CTNNA3: variants seen among roughly 807,000 people sequenced by gnomAD.
CTNNA3 encodes the protein catenin alpha-3.
CTNNA3 carries 76 observed loss-of-function variants against 95.7 expected under a neutral mutation model. The observed-to-expected ratio is 0.79, with a 90% CI of 0.66 to 0.96. CTNNA3 has a LOEUF of 0.96. Among genes scored for constraint, CTNNA3 ranks in the 40% least tolerant of loss-of-function variants. CTNNA3 has a pLI of 0.00. For missense variants in CTNNA3, 1,191 were observed against 1,089.8 expected (o/e 1.09, Z -1.31); for synonymous variants, 431 against 374.4 (o/e 1.15, Z -1.74).
intron 5 of CTNNA3, among the ~76,000 whole-genome samples, chr10:67,439,638 G>T (rs1846426166): frequency 6.6e-6 from 1 of 152,062 alleles, no homozygotes; most frequent in Non-Finnish European, 1.5e-5. Context: ...AATTAAACAT[G>T]ACATTTAAAT....
At chr10:66,589,490 A>G (rs1310032611) in intron 10 of CTNNA3, among the ~76,000 whole-genome samples, 1 of 152,110 alleles carries the variant, frequency 6.6e-6, no homozygotes, top group African/African-American at 2.4e-5. Context: ...TCTCTTTACT[A>G]TAAACACCCA....
chr10:67,202,863 G>A (rs1041030942), intron 6 of CTNNA3, among the ~76,000 whole-genome samples: 2 of 151,826 alleles, frequency 1.3e-5, no homozygotes, highest in Non-Finnish European at 2.9e-5. Flanking sequence ...GGGAACTCTG[G>A]ACATATCTGC....
chr10:66,635,715 C>T (rs12246389), intron 9 of CTNNA3, among the ~76,000 whole-genome samples: 3,612 of 152,178 alleles, frequency 0.024, 159 homozygotes, highest in African/African-American at 0.083. Context: ...TAACTAATCA[C>T]GAAATACACA....
chr10:67,676,544 T>C (rs879686164), intron 1 of CTNNA3, among the ~76,000 whole-genome samples: 2 of 152,166 alleles, frequency 1.3e-5, no homozygotes, highest in Admixed American at 1.3e-4. Flanking sequence ...GTCTCTCAAA[T>C]TGTTCAAAAA....
chr10:66,653,084 T>C (rs759045715), intron 9 of CTNNA3, among the ~76,000 whole-genome samples: 1 of 152,174 alleles, frequency 6.6e-6, no homozygotes, highest in Non-Finnish European at 1.5e-5. Context: ...TCTTTTCGGT[T>C]CTGTCTAACT....
intron 13 of CTNNA3, among the ~76,000 whole-genome samples, chr10:66,228,117 C>T (rs2089410059): frequency 6.6e-6 from 1 of 152,008 alleles, no homozygotes; most frequent in Admixed American, 6.6e-5. Context: ...AAAACACTAT[C>T]ATTATATTGT....
chr10:66,599,507 C>T (rs923304816), intron 10 of CTNNA3, among the ~76,000 whole-genome samples: 2 of 151,990 alleles, frequency 1.3e-5, no homozygotes, highest in African/African-American at 4.8e-5. Context: ...TATCCCAGAA[C>T]TCCTATACTT....
intron 13 of CTNNA3, among the ~76,000 whole-genome samples, chr10:66,229,245 A>G (rs965630448): frequency 6.6e-6 from 1 of 152,118 alleles, no homozygotes; most frequent in Non-Finnish European, 1.5e-5. Flanking sequence ...ACATTGCAGT[A>G]TGGAGGTATT....
chr10:67,411,412 A>T (rs1205351351), intron 5 of CTNNA3, among the ~76,000 whole-genome samples: 1 of 152,144 alleles, frequency 6.6e-6, no homozygotes, highest in African/African-American at 2.4e-5. Flanking sequence ...GGATTTGCTT[A>T]TAGGCATTTC....
At chr10:66,877,470 ATGCCTGC>A (rs1564739584) in intron 7 of CTNNA3, among the ~76,000 whole-genome samples, 1 of 152,258 alleles carries the variant, frequency 6.6e-6, no homozygotes, top group East Asian at 1.9e-4. Context: ...TCTTTCACCA[ATGCCTGC>A]TGCCTTTTAT....
intron 7 of CTNNA3, among the ~76,000 whole-genome samples, chr10:66,996,305 A>G (rs1376041663): frequency 1.3e-5 from 2 of 152,206 alleles, no homozygotes; most frequent in African/African-American, 4.8e-5. Flanking sequence ...ACAAAGTAAA[A>G]AGAGCAAGAG....
rs1468393991 is a variant in CTNNA3 at position 65,919,095 on chromosome 10, G to T, written c.*1235C>A. The T allele has an allele frequency of 1.3e-5, 2 of 152,016 alleles. No individual in the cohort carries two copies. The highest frequency in any genetic ancestry group is 2.9e-5 in the Non-Finnish European group (2 of 67,986). 9.4% of individuals were successfully genotyped at this position (152,016 alleles called of 1,614,324 possible). On this transcript the variant is annotated 3_prime_UTR_variant, in exon 18 of 18. Transcript: ENST00000433211. ...GAGAAAAAATGAAAACAAAACTTATGGCCTCCAAAGAGTTTCTGTTAAGGA... is the reference window on the plus strand; with the variant it reads ...GAGAAAAAATGAAAACAAAACTTATTGCCTCCAAAGAGTTTCTGTTAAGGA...
chr10:66,415,536 A>G (rs1368831510), intron 11 of CTNNA3, among the ~76,000 whole-genome samples: 1 of 152,132 alleles, frequency 6.6e-6, no homozygotes, highest in South Asian at 2.1e-4. Context: ...CTGGGCTTTG[A>G]GTAAGCCACC....
chr10:67,645,752 T>C lies in CTNNA3; in HGVS notation c.99+1663A>G, dbSNP rs374987623. ...GAAAAAAATAGAAACACCCTAAATGTCCAAAAATGTGAGGCTACTTTAAAA... is the reference window on the plus strand; with the variant it reads ...GAAAAAAATAGAAACACCCTAAATGCCCAAAAATGTGAGGCTACTTTAAAA... On this transcript the variant is annotated intron_variant, in intron 2 of 17. Coordinates refer to ENST00000433211, the MANE Select transcript of CTNNA3 (RefSeq NM_013266.4). 2.6e-5 allele frequency among the ~76,000 whole-genome samples: 4 copies of C among 151,830 alleles called. No homozygotes were observed. In the East Asian group the frequency reaches 7.7e-4, roughly 29 times the overall value.
intron 11 of CTNNA3, among the ~76,000 whole-genome samples, chr10:66,445,741 C>G (rs1052132453): frequency 6.6e-6 from 1 of 151,568 alleles, no homozygotes; most frequent in Non-Finnish European, 1.5e-5. Context: ...AAAATTGACA[C>G]CCTAACATCA....
intron 11 of CTNNA3, among the ~76,000 whole-genome samples, chr10:66,508,339 G>T (rs1247344944): frequency 2.0e-5 from 3 of 151,618 alleles, no homozygotes; most frequent in Non-Finnish European, 4.4e-5. Context: ...TTTAGAAACG[G>T]CGTTCACTTC....
At chr10:67,754,475 A>T (rs915656369) in intron 1 of CTNNA3, among the ~76,000 whole-genome samples, 13 of 152,152 alleles carry the variant, frequency 8.5e-5, no homozygotes, top group Admixed American at 1.3e-4. Flanking sequence ...AATAAAATTT[A>T]AAAAAAGAGG....
intron 7 of CTNNA3, among the ~76,000 whole-genome samples, chr10:66,974,078 A>T (rs1165146216): frequency 4.6e-5 from 7 of 152,192 alleles, no homozygotes; most frequent in African/African-American, 1.4e-4. Flanking sequence ...AGTTGCCCTG[A>T]GTCTCTCTGT....
intron 9 of CTNNA3, among the ~76,000 whole-genome samples, chr10:66,713,091 C>CTT (rs1313498588): frequency 6.6e-6 from 1 of 152,080 alleles, no homozygotes; most frequent in Non-Finnish European, 1.5e-5. Flanking sequence ...GGTAACAGAG[C>CTT]TTTAGTTCCA....
Sources: gnomAD v4.1 joint callset for allele counts (sites outside exome capture counted in the v4.1 genomes callset) on GRCh38, gnomAD v4.1.1 for gene constraint, MANE v1.5 for transcripts, NCBI Gene and HGNC (gene_info 2026-07-23, HGNC 2026-07-21) for gene names.